CACHD1: variants seen among roughly 807,000 people sequenced by gnomAD.
CACHD1 encodes VWFA and cache domain-containing protein 1.
CACHD1 carries 71 observed loss-of-function variants against 138.7 expected under a neutral mutation model. The observed-to-expected ratio is 0.51, with a 90% confidence interval of 0.42 to 0.62. CACHD1 has a LOEUF of 0.62. Among genes scored for constraint, CACHD1 ranks in the 20% least tolerant of loss-of-function variants. The pLI, the probability that CACHD1 is intolerant of heterozygous loss-of-function variation, is 0.00. For missense variants in CACHD1, 1,389 were observed against 1,625.3 expected (o/e 0.85, Z 2.50); for synonymous variants, 578 against 591.5 (o/e 0.98, Z 0.33).
At chr1:64,618,232 A>C (rs532875971) in intron 4 of CACHD1, among the ~76,000 whole-genome samples, 105 of 152,208 alleles carry the variant, frequency 6.9e-4, no homozygotes, top group Non-Finnish European at 1.4e-3. Flanking sequence ...CCTGTATCCT[A>C]AGTTATCAGT....
At chr1:64,579,572 G>A (rs1393141715) in intron 2 of CACHD1, among the ~76,000 whole-genome samples, 1 of 152,144 alleles carries the variant, frequency 6.6e-6, no homozygotes, top group Non-Finnish European at 1.5e-5. Context: ...GGAAATTAAT[G>A]ATATTTACTT....
At chr1:64,642,231 C>T (rs1234869908) in intron 8 of CACHD1, among the ~76,000 whole-genome samples, 1 of 152,178 alleles carries the variant, frequency 6.6e-6, no homozygotes, top group Non-Finnish European at 1.5e-5. Context: ...TATACAGCGT[C>T]CCCCTGCCCC....
At chr1:64,688,006 G>A (rs866071003) in intron 26 of CACHD1, among the ~76,000 whole-genome samples, 1 of 151,990 alleles carries the variant, frequency 6.6e-6, no homozygotes, top group Middle Eastern at 3.4e-3. Flanking sequence ...ATGTGGGCTG[G>A]CAGGACTGGA....
Position 64,654,707 on chromosome 1 carries a change from T to C in CACHD1, c.1686T>C (p.Ile562=), listed in dbSNP as rs141314550. The stretch of plus-strand genomic sequence containing the variant: ...ACAGCCTCCCTCTGGGCAGCCAGAT[T>C]ATCGCAGTCCCTGTGAACTCATCCC... ...NILSLPLGSQ[I]IAVPVNSSLS... Residue 562 remains isoleucine, a synonymous_variant, in exon 12 of 27, where the codon ATT becomes ATC. Coordinates refer to ENST00000651257, the MANE Select transcript of CACHD1 (RefSeq NM_020925.4). 1.4e-5 allele frequency: 22 copies of C among 1,613,614 alleles called. No homozygotes were observed. In the African/African-American group the frequency reaches 2.9e-4, roughly 22 times the overall value.
rs774312571 is a variant in CACHD1, at chr1:64,477,587, T to G, written c.198+6645T>G. ...CCTCCACTTGCTCTTCCCCCCAGATTATTATTATTATTATTATTATTATTA... is the reference window on the plus strand; with the variant it reads ...CCTCCACTTGCTCTTCCCCCCAGATGATTATTATTATTATTATTATTATTA... On this transcript the variant is annotated intron_variant, in intron 1 of 26. Coordinates refer to ENST00000651257, the MANE Select transcript of CACHD1 (RefSeq NM_020925.4). 7.3e-3 allele frequency among the ~76,000 whole-genome samples: 247 copies of G among 34,036 alleles called. 2 individuals carry two copies. The highest frequency in any genetic ancestry group is 0.034 in the Admixed American group (102 of 2,972). 22.3% of individuals were successfully genotyped at this position (34,036 alleles called of 152,430 possible).
chr1:64,500,698 G>A (rs1423334849), intron 1 of CACHD1, among the ~76,000 whole-genome samples: 6 of 134,810 alleles, frequency 4.5e-5, no homozygotes, highest in Non-Finnish European at 7.7e-5. Flanking sequence ...CTTGGGCAAC[G>A]TAGCAAGACC....
At chr1:64,689,679 C>T (rs1650481696) in intron 26 of CACHD1, among the ~76,000 whole-genome samples, 1 of 152,264 alleles carries the variant, frequency 6.6e-6, no homozygotes, top group South Asian at 2.1e-4. Context: ...CCCACCTGCC[C>T]TACCCTCCAG....
At chr1:64,679,808 A>G (rs1165585028) in intron 24 of CACHD1, 52 bp downstream of exon 24, 2 of 1,595,468 alleles carry the variant, frequency 1.3e-6, no homozygotes, top group South Asian at 1.1e-5. Context: ...CTAGAAGGAC[A>G]GTGGCGGGTT....
chr1:64,496,806 C>T (rs1267345549), intron 1 of CACHD1, among the ~76,000 whole-genome samples: 5 of 150,224 alleles, frequency 3.3e-5, no homozygotes, highest in Admixed American at 2.7e-4. Context: ...TCCTACAGGA[C>T]ACTCGTGCAT....
chr1:64,639,542 A>G (rs990926268), intron 7 of CACHD1, among the ~76,000 whole-genome samples: 10 of 152,230 alleles, frequency 6.6e-5, no homozygotes, highest in African/African-American at 2.4e-4. Flanking sequence ...GGTATTAAGT[A>G]TTAGGAGTAA....
intron 23 of CACHD1, among the ~76,000 whole-genome samples, chr1:64,678,941 T>C (rs982149750): frequency 6.6e-6 from 1 of 151,970 alleles, no homozygotes; most frequent in African/African-American, 2.4e-5. Context: ...GGCAGTAGAG[T>C]CAAATATTTA....
At chr1:64,474,789 T>A (rs183512284) in intron 1 of CACHD1, among the ~76,000 whole-genome samples, 1 of 152,384 alleles carries the variant, frequency 6.6e-6, no homozygotes, top group South Asian at 2.1e-4. Flanking sequence ...AGTACAGGCT[T>A]CCTAACAGCA....
chr1:64,512,810 T>C (rs1354901371), intron 1 of CACHD1, among the ~76,000 whole-genome samples: 1 of 152,244 alleles, frequency 6.6e-6, no homozygotes, highest in Non-Finnish European at 1.5e-5. Flanking sequence ...TTTCAGTATA[T>C]GCATGTAAGT....
At position 64,611,070 on chromosome 1, in the gene CACHD1, T is replaced by C. The variant is rs577611253; in HGVS notation, c.517+8158T>C. ...TGGCCCAAGCTGTGCCTTGGCCCCT[T>C]TTAGCCATGGCTGGAGCTGGAGTGG... On this transcript the variant is annotated intron_variant, in intron 4 of 26. Coordinates refer to ENST00000651257, the MANE Select transcript of CACHD1 (RefSeq NM_020925.4). 2.0e-3 allele frequency among the ~76,000 whole-genome samples: 307 copies of C among 152,284 alleles called. 2 individuals are homozygous for C. Among genetic ancestry groups the C allele is most frequent in the African/African-American group, 7.1e-3 (293 of 41,560 alleles).
At chr1:64,590,244 C>T (rs984571712) in intron 3 of CACHD1, among the ~76,000 whole-genome samples, 9 of 149,988 alleles carry the variant, frequency 6.0e-5, no homozygotes, top group African/African-American at 9.8e-5. Context: ...ATGGCATGAA[C>T]CTGGGAGGCA....
chr1:64,570,777 C>G lies in CACHD1; in HGVS notation c.262-11379C>G, dbSNP rs1325899590. Among the ~76,000 whole-genome samples the G allele has an allele frequency of 2.0e-5, 3 of 150,204 alleles. 1 individual carries two copies. Among genetic ancestry groups the G allele is most frequent in the Non-Finnish European group, 4.4e-5 (3 of 67,626 alleles). On this transcript the variant is annotated intron_variant, in intron 2 of 26. Transcript: ENST00000651257. Reference sequence around the variant, plus strand: ...TTGGAAACCCATACGGGAAACATTTCTTTTTGTTGTTGTTTCTAGCAAGTC... The same window carrying G: ...TTGGAAACCCATACGGGAAACATTTGTTTTTGTTGTTGTTTCTAGCAAGTC...
At chr1:64,688,632 T>C (rs1557559723) in intron 26 of CACHD1, among the ~76,000 whole-genome samples, 1 of 152,102 alleles carries the variant, frequency 6.6e-6, no homozygotes, top group Non-Finnish European at 1.5e-5. Flanking sequence ...GAGCCTCTGA[T>C]CCCACCTTCC....
At chr1:64,478,156 G>T (rs78877926) in intron 1 of CACHD1, among the ~76,000 whole-genome samples, 2,199 of 152,194 alleles carry the variant, frequency 0.014, 60 homozygotes, top group African/African-American at 0.051. Flanking sequence ...AACCATTGGT[G>T]ACTCTCCTAG....
chr1:64,552,451 T>C (rs906343072), intron 2 of CACHD1, among the ~76,000 whole-genome samples: 4 of 148,028 alleles, frequency 2.7e-5, no homozygotes, highest in African/African-American at 7.4e-5. Flanking sequence ...GTTTTATTAT[T>C]TGTACTTTTA....
Sources: gnomAD v4.1 joint callset for allele counts (sites outside exome capture counted in the v4.1 genomes callset) on GRCh38, gnomAD v4.1.1 for gene constraint, MANE v1.5 for transcripts, NCBI Gene and HGNC (gene_info 2026-07-23, HGNC 2026-07-21) for gene names.